STK33: variants seen among roughly 807,000 people sequenced by gnomAD.
STK33 encodes the protein serine/threonine-protein kinase 33.
A neutral mutation model predicts 58.0 loss-of-function variants in STK33; 52 were observed. That is an observed-to-expected ratio of 0.90 (90% CI 0.72 to 1.13). The LOEUF is 1.13. STK33 is among the 50% of genes most tolerant of loss of function. The pLI is 0.00. For missense variants in STK33, 630 were observed against 604.2 expected (o/e 1.04, Z -0.45); for synonymous variants, 215 against 200.1 (o/e 1.07, Z -0.63).
chr11:8,395,001 T>C (rs1012409936), intron 15 of STK33, among the ~76,000 whole-genome samples: 1 of 152,172 alleles, frequency 6.6e-6, no homozygotes, highest in African/African-American at 2.4e-5. Flanking sequence ...TGTCAATTTA[T>C]AGTGTACAAT....
At chr11:8,469,240 C>A (rs911095527) in intron 6 of STK33, among the ~76,000 whole-genome samples, 19 of 152,216 alleles carry the variant, frequency 1.2e-4, no homozygotes, top group African/African-American at 4.1e-4. Context: ...TCAAACCCTG[C>A]CACTGCTTTA....
intron 1 of STK33, among the ~76,000 whole-genome samples, chr11:8,581,974 TATTA>T (rs896285193): frequency 8.5e-5 from 13 of 152,360 alleles, no homozygotes; most frequent in Admixed American, 3.9e-4. Context: ...ACAATCCAGT[TATTA>T]AGTGAGTCTG....
chr11:8,469,774 T>C (rs981441635), intron 6 of STK33, among the ~76,000 whole-genome samples: 1 of 152,206 alleles, frequency 6.6e-6, no homozygotes, highest in Non-Finnish European at 1.5e-5. Context: ...TTAGCAGGCA[T>C]GAAAACAACA....
At chr11:8,377,788 C>T in the STK33 span, among the ~76,000 whole-genome samples, 2 of 152,194 alleles carry the variant, frequency 1.3e-5, no homozygotes, top group African/African-American at 2.4e-5. Context: ...AATCAATGTA[C>T]ACAAATCAGT....
chr11:8,474,357 A>G (rs1949061920), intron 5 of STK33, among the ~76,000 whole-genome samples: 1 of 152,220 alleles, frequency 6.6e-6, no homozygotes, highest in Non-Finnish European at 1.5e-5. Context: ...ATTCTCCATC[A>G]GTTGAAGAAA....
the STK33 span, among the ~76,000 whole-genome samples, chr11:8,370,131 G>A: frequency 2.7e-3 from 408 of 152,320 alleles, 1 homozygote; most frequent in African/African-American, 9.4e-3. Flanking sequence ...GCTGCTTTGG[G>A]AGGATTGCGG....
chr11:8,410,470 C>CTATTTTT (rs1940028844), intron 15 of STK33, among the ~76,000 whole-genome samples: 2 of 121,848 alleles, frequency 1.6e-5, no homozygotes, highest in African/African-American at 6.2e-5. Flanking sequence ...CTTTTCTTTT[C>CTATTTTT]TTTTTTTTTT....
chr11:8,344,198 A>AACACACACACACACACACACAC, the STK33 span, among the ~76,000 whole-genome samples: 738 of 137,196 alleles, frequency 5.4e-3, 5 homozygotes, highest in South Asian at 0.014. Context: ...AAACAAACAA[A>AACACACACACACACACACACAC]ACACACACAC....
Position 8,579,195 on chromosome 11 carries a change from T to A in STK33, c.-466+14888A>T, listed in dbSNP as rs1390163511. 4.6e-5 allele frequency among the ~76,000 whole-genome samples: 7 copies of A among 152,060 alleles called. No individual in the cohort carries two copies. In the South Asian group the frequency reaches 1.5e-3, roughly 32 times the overall value. ...CCAGACCCTGAAGAATCAGTTAGAG[T>A]AGGGATTTTGTGAGCAATTAGGAAC... On this transcript the variant is annotated intron_variant, in intron 1 of 15. Transcript: ENST00000687296.
intron 11 of STK33, among the ~76,000 whole-genome samples, chr11:8,442,854 G>C (rs1285300352): frequency 6.6e-6 from 1 of 152,114 alleles, no homozygotes; most frequent in Non-Finnish European, 1.5e-5. Context: ...AAAAGAAGAA[G>C]ACAGACACAG....
At chr11:8,497,329 C>G (rs1296459753) in intron 1 of STK33, among the ~76,000 whole-genome samples, 1 of 152,090 alleles carries the variant, frequency 6.6e-6, no homozygotes, top group Non-Finnish European at 1.5e-5. Context: ...AAAACAAAAT[C>G]AAAGAGAACC....
At position 8,473,294 on chromosome 11, in the gene STK33, A is replaced by T. The variant is rs560430445; in HGVS notation, c.226-18T>A. 367 of 1,385,738 alleles carry T rather than the reference A, an allele frequency of 2.6e-4. No individual in the cohort carries two copies. Among genetic ancestry groups the T allele is most frequent in the Middle Eastern group, 9.1e-4 (5 of 5,502 alleles). The allele number at this position is 1,385,738 out of a possible 1,614,324, so 85.8% of individuals were successfully genotyped here. A position where few individuals can be genotyped will look rare whatever the true frequency, so the allele number is the denominator to read the frequency against. Reference sequence around the variant, plus strand: ...CTTGAGGGCTGGGACCAAAAAAAAAATTAAAAAAAAAAAACTTTAAGATGT... The same window carrying T: ...CTTGAGGGCTGGGACCAAAAAAAAATTTAAAAAAAAAAAACTTTAAGATGT... On this transcript the variant is annotated intron_variant, in intron 5 of 15. Transcript: ENST00000687296.
chr11:8,506,358 T>C (rs961867207), intron 1 of STK33, among the ~76,000 whole-genome samples: 3 of 152,190 alleles, frequency 2.0e-5, no homozygotes, highest in African/African-American at 7.2e-5. Context: ...AAGAGCCCTA[T>C]ATTCATTTTC....
At chr11:8,400,934 G>C (rs553753911) in intron 15 of STK33, among the ~76,000 whole-genome samples, 108 of 152,210 alleles carry the variant, frequency 7.1e-4, no homozygotes, top group African/African-American at 2.5e-3. Context: ...CCTCTTCAAG[G>C]AGAACTACAA....
chr11:8,451,196 C>CAT (rs939387050), intron 11 of STK33, among the ~76,000 whole-genome samples: 1 of 152,132 alleles, frequency 6.6e-6, no homozygotes, highest in Non-Finnish European at 1.5e-5. Flanking sequence ...ATAAACTTAA[C>CAT]ATATGATCCA....
intron 14 of STK33, among the ~76,000 whole-genome samples, chr11:8,434,484 C>T (rs1016101725): frequency 2.0e-5 from 3 of 152,096 alleles, no homozygotes; most frequent in African/African-American, 7.2e-5. Context: ...TTCACTCATT[C>T]AGCAATTGTT....
At chr11:8,466,679 C>T (rs1948224437) in intron 6 of STK33, 1 of 152,276 alleles carries the variant, frequency 6.6e-6, no homozygotes, top group African/African-American at 2.4e-5. Context: ...AATGGTGGCC[C>T]TCTTCTCACA....
At chr11:8,511,342 C>T (rs1952305531) in intron 1 of STK33, among the ~76,000 whole-genome samples, 1 of 152,122 alleles carries the variant, frequency 6.6e-6, no homozygotes, top group Non-Finnish European at 1.5e-5. Flanking sequence ...ATTTTGTATC[C>T]TGAGACTTTA....
chr11:8,360,311 G>A, the STK33 span, among the ~76,000 whole-genome samples: 1 of 152,172 alleles, frequency 6.6e-6, no homozygotes, highest in Non-Finnish European at 1.5e-5. Flanking sequence ...GGTTCCTCTG[G>A]CCCAGCAGAA....
Sources: gnomAD v4.1 joint callset for allele counts (sites outside exome capture counted in the v4.1 genomes callset) on GRCh38, gnomAD v4.1.1 for gene constraint, MANE v1.5 for transcripts, NCBI Gene and HGNC (gene_info 2026-07-23, HGNC 2026-07-21) for gene names.